ZNF423: variants seen among roughly 807,000 people sequenced by gnomAD.
ZNF423 encodes the protein zinc finger protein 423.
A neutral mutation model predicts 95.8 loss-of-function variants in ZNF423; 12 were observed. The observed-to-expected ratio is 0.13, with a 90% CI of 0.08 to 0.20. The LOEUF is 0.20. ZNF423 is among the 10% of genes least tolerant of loss of function. ZNF423 has a pLI of 1.00. For missense variants in ZNF423, 1,316 were observed against 1,737.1 expected (o/e 0.76, Z 4.31); for synonymous variants, 749 against 711.9 (o/e 1.05, Z -0.83).
chr16:49,657,157 C>A (rs183877273), intron 3 of ZNF423, among the ~76,000 whole-genome samples: 1 of 152,232 alleles, frequency 6.6e-6, no homozygotes, highest in South Asian at 2.1e-4. Flanking sequence ...CAGGGTGACA[C>A]GCTCCTTTGG....
chr16:49,561,284 C>T (rs1044379571), intron 5 of ZNF423, among the ~76,000 whole-genome samples: 6 of 152,132 alleles, frequency 3.9e-5, no homozygotes, highest in African/African-American at 1.4e-4. Flanking sequence ...AATCAAAATT[C>T]TGTTTTTTAT....
intron 3 of ZNF423, among the ~76,000 whole-genome samples, chr16:49,726,856 C>CAAAAA (rs368675702): frequency 0.036 from 3,392 of 94,546 alleles, 301 homozygotes; most frequent in South Asian, 0.076. Flanking sequence ...TTCCCCCTAG[C>CAAAAA]AAAAAAAAAA....
chr16:49,662,491 T>G (rs2030292182), intron 3 of ZNF423, among the ~76,000 whole-genome samples: 1 of 152,240 alleles, frequency 6.6e-6, no homozygotes, highest in Non-Finnish European at 1.5e-5. Context: ...TTATTCCTTC[T>G]ATAAATACGA....
intron 2 of ZNF423, among the ~76,000 whole-genome samples, chr16:49,777,164 G>A (rs562691660): frequency 4.6e-5 from 7 of 152,340 alleles, no homozygotes; most frequent in South Asian, 2.1e-4. Context: ...TTGGCTGTGC[G>A]TACATATGTG....
intron 3 of ZNF423, among the ~76,000 whole-genome samples, chr16:49,677,006 T>C (rs573289995): frequency 1.3e-5 from 2 of 151,480 alleles, no homozygotes; most frequent in South Asian, 2.1e-4. Context: ...TCACCTGAGG[T>C]CAGGAGCTCA....
chr16:49,810,955 C>T (rs2034741566), intron 1 of ZNF423, among the ~76,000 whole-genome samples: 1 of 152,052 alleles, frequency 6.6e-6, no homozygotes, highest in African/African-American at 2.4e-5. Context: ...GGAGGGGCAT[C>T]AGGGTAATGG....
chr16:49,801,721 C>T (rs1295762278), intron 1 of ZNF423, among the ~76,000 whole-genome samples: 1 of 152,228 alleles, frequency 6.6e-6, no homozygotes, highest in Non-Finnish European at 1.5e-5. Context: ...CAACAAATGA[C>T]TTTGATGCGT....
At chr16:49,802,603 G>A (rs1441093202) in intron 1 of ZNF423, among the ~76,000 whole-genome samples, 2 of 152,218 alleles carry the variant, frequency 1.3e-5, no homozygotes, top group African/African-American at 2.4e-5. Flanking sequence ...AGGAAGGAGA[G>A]AAGGGGCTTT....
chr16:49,765,310 A>T (rs1482359211), intron 2 of ZNF423, among the ~76,000 whole-genome samples: 1 of 152,172 alleles, frequency 6.6e-6, no homozygotes, highest in South Asian at 2.1e-4. Flanking sequence ...CCGAAGGTGG[A>T]TGGTGGTGGT....
chr16:49,759,351 A>G (rs796473690), intron 2 of ZNF423, among the ~76,000 whole-genome samples: 19 of 151,988 alleles, frequency 1.3e-4, no homozygotes, highest in African/African-American at 4.3e-4. Flanking sequence ...GTGAGCCAAG[A>G]TCGAGCCACT....
At chr16:49,722,944 G>A (rs902417433) in intron 3 of ZNF423, among the ~76,000 whole-genome samples, 3 of 148,810 alleles carry the variant, frequency 2.0e-5, no homozygotes, top group East Asian at 2.0e-4. Context: ...TACTATAAAC[G>A]GGGTTCTAAT....
intron 4 of ZNF423, among the ~76,000 whole-genome samples, chr16:49,627,437 C>A (rs1442293315): frequency 6.6e-6 from 1 of 150,552 alleles, no homozygotes; most frequent in Non-Finnish European, 1.5e-5. Flanking sequence ...ATCTACCCAT[C>A]CATCCATCTA....
At chr16:49,657,430 C>A (rs1321838126) in intron 3 of ZNF423, among the ~76,000 whole-genome samples, 1 of 152,230 alleles carries the variant, frequency 6.6e-6, no homozygotes, top group African/African-American at 2.4e-5. Context: ...CTGATGTGTG[C>A]ATCATGGCCA....
chr16:49,707,380 A>G (rs1206644950), intron 3 of ZNF423, among the ~76,000 whole-genome samples: 1 of 152,132 alleles, frequency 6.6e-6, no homozygotes, highest in East Asian at 1.9e-4. Context: ...TTGGGAGGCC[A>G]AGGCGGGTGG....
At chr16:49,555,862 G>A (rs1969807196) in intron 5 of ZNF423, among the ~76,000 whole-genome samples, 1 of 152,226 alleles carries the variant, frequency 6.6e-6, no homozygotes, top group South Asian at 2.1e-4. Context: ...GATGGGATGA[G>A]GAGGTTGAAA....
chr16:49,760,094 T>G (rs1243761941), intron 2 of ZNF423, among the ~76,000 whole-genome samples: 1 of 127,190 alleles, frequency 7.9e-6, no homozygotes, highest in African/African-American at 3.1e-5. Context: ...AATGGGTGGA[T>G]GGATTGATGA....
At chr16:49,655,730 C>T (rs183496811) in intron 3 of ZNF423, among the ~76,000 whole-genome samples, 1 of 152,144 alleles carries the variant, frequency 6.6e-6, no homozygotes, top group Non-Finnish European at 1.5e-5. Flanking sequence ...AAATACACAC[C>T]ATGGACCTCA....
chr16:49,528,583 G>A (rs905956349), intron 5 of ZNF423, among the ~76,000 whole-genome samples: 2 of 152,150 alleles, frequency 1.3e-5, no homozygotes, highest in Non-Finnish European at 2.9e-5. Flanking sequence ...AGTGAAGGGA[G>A]GGGATGGAAT....
At chr16:49,551,985 T>C (rs1300099951) in intron 5 of ZNF423, among the ~76,000 whole-genome samples, 1 of 152,242 alleles carries the variant, frequency 6.6e-6, no homozygotes, top group Non-Finnish European at 1.5e-5. Context: ...CTCATGCGCT[T>C]TGTCATTAGT....
Sources: allele counts gnomAD v4.1 joint callset (sites outside exome capture counted in the v4.1 genomes callset), GRCh38; gene constraint gnomAD v4.1.1; transcripts MANE v1.5; gene names NCBI Gene and HGNC (gene_info 2026-07-23, HGNC 2026-07-21).